RFFL: variants seen among roughly 807,000 people sequenced by gnomAD.
RFFL encodes the protein ring finger and FYVE like domain containing E3 ubiquitin protein ligase.
RFFL carries 16 observed loss-of-function variants against 40.4 expected under a neutral mutation model. The ratio of observed to expected loss-of-function variants is 0.40; its 90% confidence interval spans 0.27 to 0.60. The LOEUF (loss-of-function observed/expected upper bound fraction) is 0.60, where lower values mean the gene tolerates loss of function less well. Among genes scored for constraint, RFFL ranks in the 20% least tolerant of loss-of-function variants. The pLI, the probability that RFFL is intolerant of heterozygous loss-of-function variation, is 0.47. For missense variants in RFFL, 367 were observed against 451.7 expected (o/e 0.81, Z 1.70); for synonymous variants, 154 against 167.9 (o/e 0.92, Z 0.64).
chr17:35,061,354 T>C (rs533961563), intron 1 of RFFL, among the ~76,000 whole-genome samples: 1 of 152,224 alleles, frequency 6.6e-6, no homozygotes, highest in African/African-American at 2.4e-5. Flanking sequence ...AAGTCTTCAG[T>C]GTGTAAGATG....
At position 35,016,410 on chromosome 17, in the gene RFFL, C is replaced by T. The variant is rs1451401129; in HGVS notation, c.846G>A (p.Val282=). 6.2e-7 allele frequency: 1 copy of T among 1,614,174 alleles called. No homozygotes were observed. ...CTTTCTGATCCTTGTATAGCCGGGT[C>T]ACTCTCTCCATCAGCTCCCACTTCT... ...CCEKWELMER[V]TRLYKDQKGL... is the part of the protein sequence containing the mutation. Residue 282 remains valine, a synonymous_variant, in exon 5 of 7, where the codon GTG becomes GTA. Transcript: ENST00000394597.
chr17:35,084,851 C>T (rs1160112046), intron 1 of RFFL, among the ~76,000 whole-genome samples: 2 of 149,584 alleles, frequency 1.3e-5, no homozygotes, highest in African/African-American at 5.0e-5. Flanking sequence ...AACCGAGATC[C>T]AGAGGTTGCA....
At chr17:35,051,643 A>G (rs909620723) in intron 1 of RFFL, among the ~76,000 whole-genome samples, 1 of 152,238 alleles carries the variant, frequency 6.6e-6, no homozygotes, top group Non-Finnish European at 1.5e-5. Context: ...TAGTGCTGAG[A>G]TAAGGAAATA....
At chr17:35,016,614 C>G (rs2090975366) in intron 4 of RFFL, 34 bp from the exon 5 acceptor site, 4 of 1,552,102 alleles carry the variant, frequency 2.6e-6, no homozygotes, top group Middle Eastern at 1.7e-4. Context: ...GTGTGCTCAG[C>G]TCTTACCTCC....
intron 1 of RFFL, among the ~76,000 whole-genome samples, chr17:35,051,852 T>C (rs1227166933): frequency 1.3e-5 from 2 of 152,208 alleles, no homozygotes; most frequent in African/African-American, 2.4e-5. Flanking sequence ...AAAGTCTACT[T>C]TTCAGCATTG....
In RFFL at chr17:35,016,356, A is replaced by C. The variant is rs1470075639; in HGVS notation, c.886+14T>G. 6.2e-7 allele frequency: 1 copy of C among 1,609,080 alleles called. No homozygotes were observed. The highest frequency in any genetic ancestry group is 1.3e-5 in the African/African-American group (1 of 74,812). On this transcript the variant is annotated intron_variant, in intron 5 of 6. Transcript: ENST00000394597. ...CCTGAGCTCTGTAAAGCTACCATGC[A>C]GATAGCCCCTCACCCAGGTGCTGGA...
rs2090907875 is a variant in RFFL at position 35,007,977 on chromosome 17, G to A, written c.*3991C>T. 6.6e-6 allele frequency: 1 copy of A among 152,366 alleles called. No individual in the cohort carries two copies. Among genetic ancestry groups the A allele is most frequent in the Non-Finnish European group, 1.5e-5 (1 of 68,078 alleles). 9.4% of individuals were successfully genotyped at this position (152,366 alleles called of 1,614,324 possible). ...ACTGGTCTCAAACTCCTGGCCTCGA[G>A]TCATCCACGCACCTCAGCCTCCCAA... is the stretch of plus-strand genomic sequence containing the variant. On this transcript the variant is annotated 3_prime_UTR_variant, in exon 7 of 7. Transcript: ENST00000394597.
rs1462378066 is a variant in RFFL at position 35,026,556 on chromosome 17, T to C, written c.-3A>G. 3 of 1,612,170 alleles carry C rather than the reference T, an allele frequency of 1.9e-6. No homozygotes were observed. The highest frequency in any genetic ancestry group is 1.1e-5 in the South Asian group (1 of 90,832). On this transcript the variant is annotated 5_prime_UTR_variant, in exon 2 of 7. Transcript: ENST00000394597. Reference sequence around the variant, plus strand: ...CAGTTGCAGCAGGTTGCCCACATGATAAAATCTGGTGCAAGGGAGGAAAGG... The same window carrying C: ...CAGTTGCAGCAGGTTGCCCACATGACAAAATCTGGTGCAAGGGAGGAAAGG...
rs766425984 is a variant in RFFL, at chr17:35,017,527, G to T, written c.671C>A (p.Thr224Asn). 73 of 1,607,080 alleles carry T rather than the reference G, an allele frequency of 4.5e-5. No homozygotes were observed. In the East Asian group the frequency reaches 1.5e-3, roughly 33 times the overall value. ...SVARVPAEDE[T>N]QSIDSEDSFV... ...AGACCCAAGCAGAGGCCCCACCTGG[G>T]TCTCATCCTCAGCAGGTACTCTGGC... Residue 224 changes from threonine to asparagine, a missense_variant, in exon 4 of 7, where the codon ACC becomes AAC. Transcript: ENST00000394597.
intron 1 of RFFL, among the ~76,000 whole-genome samples, chr17:35,072,578 C>T (rs767398648): frequency 6.8e-6 from 1 of 147,190 alleles, no homozygotes; most frequent in Non-Finnish European, 1.5e-5. Flanking sequence ...CACACACACA[C>T]ACACACATGC....
chr17:35,067,458 T>C (rs1174735407), upstream of RFFL, among the ~76,000 whole-genome samples: 1 of 121,134 alleles, frequency 8.3e-6, no homozygotes, highest in African/African-American at 5.2e-5. Context: ...TTCCAAGCCT[T>C]TTTTTTTTTT....
intron 1 of RFFL, among the ~76,000 whole-genome samples, chr17:35,062,350 C>G (rs949752141): frequency 3.9e-5 from 6 of 152,046 alleles, no homozygotes; most frequent in African/African-American, 1.4e-4. Context: ...TTGCAGTGAG[C>G]TAAGATCACA....
At chr17:35,077,768 C>T (rs2091384295) in intron 1 of RFFL, among the ~76,000 whole-genome samples, 1 of 152,250 alleles carries the variant, frequency 6.6e-6, no homozygotes, top group African/African-American at 2.4e-5. Flanking sequence ...CTTTCATCAG[C>T]TATCATTAGT....
chr17:35,014,134 A>G (rs1597810690), intron 6 of RFFL, among the ~76,000 whole-genome samples: 2 of 152,278 alleles, frequency 1.3e-5, no homozygotes, highest in African/African-American at 4.8e-5. Context: ...GTCCCCACAG[A>G]TGGTCAGGAG....
At chr17:35,023,782 T>C (rs1450887241) in intron 2 of RFFL, among the ~76,000 whole-genome samples, 1 of 152,190 alleles carries the variant, frequency 6.6e-6, no homozygotes, top group African/African-American at 2.4e-5. Context: ...CAAATGTGTG[T>C]GGCTTGCTGG....
At position 35,047,812 on chromosome 17, in the gene RFFL, C is replaced by T. The variant is rs551119213; in HGVS notation, c.-9+15764G>A. On this transcript the variant is annotated intron_variant, in intron 1 of 6. Coordinates refer to ENST00000394597, the MANE Select transcript of RFFL (RefSeq NM_001017368.2). ...TGTCACCCAGGCTGGAATGCAGTGG[C>T]GTGATCTTGGCTCACTGCAGCCTCT... Among the ~76,000 whole-genome samples, 17 of 150,898 alleles carry T rather than the reference C, an allele frequency of 1.1e-4. No individual in the cohort carries two copies. In the East Asian group the frequency reaches 3.1e-3, roughly 28 times the overall value.
At chr17:35,022,316 A>G (rs993451770) in intron 2 of RFFL, among the ~76,000 whole-genome samples, 3 of 152,230 alleles carry the variant, frequency 2.0e-5, no homozygotes, top group African/African-American at 7.2e-5. Flanking sequence ...TATTATAGCT[A>G]GGAAATATTA....
At chr17:35,049,086 C>T (rs1297652875) in intron 1 of RFFL, among the ~76,000 whole-genome samples, 1 of 152,144 alleles carries the variant, frequency 6.6e-6, no homozygotes, top group Non-Finnish European at 1.5e-5. Context: ...CTATATCCCA[C>T]AACAAAATGC....
At chr17:35,072,047 G>A (rs1453582096) in intron 1 of RFFL, among the ~76,000 whole-genome samples, 2 of 152,044 alleles carry the variant, frequency 1.3e-5, no homozygotes, top group African/African-American at 4.8e-5. Context: ...TTGGGAGGCT[G>A]AGGCGGACAA....
Sources: allele counts gnomAD v4.1 joint callset (sites outside exome capture counted in the v4.1 genomes callset), GRCh38; gene constraint gnomAD v4.1.1; transcripts MANE v1.5; gene names NCBI Gene and HGNC (gene_info 2026-07-23, HGNC 2026-07-21).